RBBP8: variants seen among roughly 807,000 people sequenced by gnomAD.
RBBP8 encodes the protein DNA endonuclease RBBP8.
In RBBP8, 88 loss-of-function variants were observed where a neutral mutation model predicts 108.3. That is an observed-to-expected ratio of 0.81 (90% confidence interval 0.68 to 0.97). RBBP8 has a LOEUF of 0.97. RBBP8 is among the 50% of genes least tolerant of loss of function. The pLI is 0.00. For synonymous variants in RBBP8, 332 were observed against 348.2 expected (o/e 0.95, Z 0.52); for missense variants, 1,023 against 1,049.0 (o/e 0.98, Z 0.34).
chr18:22,956,864 A>G (rs1432469542), intron 4 of RBBP8, among the ~76,000 whole-genome samples: 1 of 152,174 alleles, frequency 6.6e-6, no homozygotes, highest in Non-Finnish European at 1.5e-5. Flanking sequence ...TTTAATGAGT[A>G]TATTTACAGA....
At chr18:22,976,327 G>A (rs1350839512) in intron 6 of RBBP8, among the ~76,000 whole-genome samples, 2 of 152,104 alleles carry the variant, frequency 1.3e-5, no homozygotes, top group East Asian at 1.9e-4. Context: ...TAAAATGTTT[G>A]TAAGAAAATG....
chr18:22,933,206 C>T (rs1448077286), upstream of RBBP8: 2 of 152,248 alleles, frequency 1.3e-5, no homozygotes, highest in African/African-American at 4.8e-5. Context: ...GGTAGCGCTC[C>T]CCTCCCCAAC....
intron 12 of RBBP8, among the ~76,000 whole-genome samples, chr18:22,995,312 A>G (rs996796602): frequency 6.6e-6 from 1 of 151,932 alleles, no homozygotes; most frequent in South Asian, 2.1e-4. Flanking sequence ...GCCTTTTACA[A>G]TCTACTTGGA....
chr18:22,974,850 C>G (rs1452074345), intron 5 of RBBP8, among the ~76,000 whole-genome samples: 1 of 152,156 alleles, frequency 6.6e-6, no homozygotes, highest in Non-Finnish European at 1.5e-5. Context: ...AGATGGAATG[C>G]TTTCTTGTCC....
At chr18:22,951,425 A>C (rs1227263524) in intron 4 of RBBP8, among the ~76,000 whole-genome samples, 1 of 152,254 alleles carries the variant, frequency 6.6e-6, no homozygotes, top group Non-Finnish European at 1.5e-5. Context: ...TGAAGAAAAT[A>C]AAATCGAATT....
rs746589267 is a variant in RBBP8, at chr18:23,022,231, G to T, written c.2557G>T (p.Glu853Ter). ...IPPNTPENFW[E>*]VGFPSTQTCM... Reference sequence around the variant, plus strand: ...ACCCAACACACCAGAGAATTTTTGGGAAGTTGGTTTTCCTTCCACTCAGAC... The same window carrying T: ...ACCCAACACACCAGAGAATTTTTGGTAAGTTGGTTTTCCTTCCACTCAGAC... Residue 853 changes from glutamate to a stop codon, truncating the protein, a stop_gained, in exon 18 of 19, where the codon GAA (glutamate) becomes TAA (stop). Transcript: ENST00000327155. LOFTEE classifies it high-confidence loss of function. 6.2e-7 allele frequency: 1 copy of T among 1,612,818 alleles called. No homozygotes were observed. Among genetic ancestry groups the T allele is most frequent in the Non-Finnish European group, 8.5e-7 (1 of 1,178,832 alleles).
At chr18:22,940,721 G>A (rs892384492) in intron 2 of RBBP8, among the ~76,000 whole-genome samples, 2 of 151,736 alleles carry the variant, frequency 1.3e-5, no homozygotes, top group East Asian at 1.9e-4. Flanking sequence ...ATCATGGTTC[G>A]CCGTAGCCTC....
intron 7 of RBBP8, among the ~76,000 whole-genome samples, chr18:22,984,167 G>A (rs1413299212): frequency 6.6e-6 from 1 of 151,922 alleles, no homozygotes; most frequent in Non-Finnish European, 1.5e-5. Context: ...TTATTTTAAG[G>A]TTTATAATGC....
chr18:22,989,600 C>G (rs1179961519), intron 9 of RBBP8, among the ~76,000 whole-genome samples: 1 of 151,540 alleles, frequency 6.6e-6, no homozygotes, highest in African/African-American at 2.4e-5. Context: ...TCTCATGCCC[C>G]CTCCCTGCCC....
intron 18 of RBBP8, among the ~76,000 whole-genome samples, chr18:23,023,275 TCTA>T (rs1338770674): frequency 6.6e-6 from 1 of 152,170 alleles, no homozygotes; most frequent in Non-Finnish European, 1.5e-5. Context: ...AATCTTAAAA[TCTA>T]CTGCTATGAA....
intron 3 of RBBP8, among the ~76,000 whole-genome samples, chr18:22,925,899 C>T (rs1442281404): frequency 6.6e-6 from 1 of 151,964 alleles, no homozygotes; most frequent in African/African-American, 2.4e-5. Flanking sequence ...ATAAAATAAA[C>T]TTTTTTACTC....
At position 23,016,934 on chromosome 18, in the gene RBBP8, A is replaced by T; in HGVS notation, c.2454+10A>T. Reference sequence around the variant, plus strand: ...TAAGGAATGTGAAATTGTAAGTACTAATGTAGATACTAATTTTTTTTTAAG... The same window carrying T: ...TAAGGAATGTGAAATTGTAAGTACTTATGTAGATACTAATTTTTTTTTAAG... On this transcript the variant is annotated intron_variant, in intron 17 of 18. Coordinates refer to ENST00000327155, the MANE Select transcript of RBBP8 (RefSeq NM_002894.3). The T allele has an allele frequency of 6.3e-7, 1 of 1,586,408 alleles. No homozygotes were observed. The highest frequency in any genetic ancestry group is 8.7e-7 in the Non-Finnish European group (1 of 1,155,200).
At chr18:22,945,855 T>C (rs962597853) in intron 2 of RBBP8, among the ~76,000 whole-genome samples, 1 of 152,226 alleles carries the variant, frequency 6.6e-6, no homozygotes, top group African/African-American at 2.4e-5. Context: ...GTCACCCTGT[T>C]TTGTCCATAT....
Position 22,936,781 on chromosome 18 carries a change from A to T in RBBP8, c.-71A>T. ...ATTTGACCTGTCCAAAGACGACTTG[A>T]TACCTCTATAATGTAACAGAAAAGG... is the stretch of plus-strand genomic sequence containing the variant. On this transcript the variant is annotated 5_prime_UTR_variant, in exon 2 of 19. Transcript: ENST00000327155. The T allele has an allele frequency of 6.3e-7, 1 of 1,584,074 alleles. No homozygotes were observed. The highest frequency in any genetic ancestry group is 8.7e-7 in the Non-Finnish European group (1 of 1,154,502).
chr18:23,000,443 A>G (rs2045928034), intron 14 of RBBP8, among the ~76,000 whole-genome samples: 1 of 152,188 alleles, frequency 6.6e-6, no homozygotes, highest in Non-Finnish European at 1.5e-5. Flanking sequence ...ACTTCATTAC[A>G]AAAAGTAAGC....
intron 12 of RBBP8, among the ~76,000 whole-genome samples, chr18:22,994,059 C>T (rs1278474148): frequency 3.7e-5 from 4 of 107,906 alleles, no homozygotes; most frequent in African/African-American, 7.0e-5. Flanking sequence ...CTCGCTCTGT[C>T]GCCCAGGCTG....
chr18:22,918,578 C>G (rs1457894377), intron 3 of RBBP8, among the ~76,000 whole-genome samples: 1 of 152,194 alleles, frequency 6.6e-6, no homozygotes, highest in African/African-American at 2.4e-5. Flanking sequence ...CACTGCTATT[C>G]AGTGCATGGC....
At chr18:22,980,782 A>G (rs1253120756) in intron 6 of RBBP8, among the ~76,000 whole-genome samples, 1 of 142,316 alleles carries the variant, frequency 7.0e-6, no homozygotes, top group East Asian at 2.1e-4. Context: ...TGGCATGATC[A>G]TAGCTCACTG....
intron 3 of RBBP8, among the ~76,000 whole-genome samples, chr18:22,919,363 C>T (rs953614200): frequency 1.3e-5 from 2 of 152,172 alleles, no homozygotes; most frequent in African/African-American, 4.8e-5. Flanking sequence ...TCTTATTGAG[C>T]TCTTGTAATC....
Sources: gnomAD v4.1 joint callset for allele counts (sites outside exome capture counted in the v4.1 genomes callset) on GRCh38, gnomAD v4.1.1 for gene constraint, MANE v1.5 for transcripts, NCBI Gene and HGNC (gene_info 2026-07-23, HGNC 2026-07-21) for gene names.